The following NAIF1 variants were observed in gnomAD, a reference collection of about 807,000 sequenced individuals.
NAIF1 encodes nuclear apoptosis-inducing factor 1.
NAIF1 carries 14 observed loss-of-function variants against 20.7 expected under a neutral mutation model. The ratio of observed to expected loss-of-function variants is 0.67; its 90% CI spans 0.45 to 1.05. The LOEUF is 1.05. NAIF1 is among the 50% of genes least tolerant of loss of function. NAIF1 has a pLI of 0.00. For synonymous variants in NAIF1, 191 were observed against 191.4 expected, an observed-to-expected ratio of 1.00 and a Z score of 0.02; for missense variants, 362 against 448.8, an observed-to-expected ratio of 0.81 and a Z score of 1.75.
At position 128,063,965 on chromosome 9, in the gene NAIF1, TGGGGTG is replaced by T; in HGVS notation, c.512-71_512-66del. The T allele has an allele frequency of 6.8e-7, 1 of 1,468,002 alleles. No individual in the cohort carries two copies. The highest frequency in any genetic ancestry group is 1.2e-5 in the South Asian group (1 of 81,636). The allele number at this position is 1,468,002 out of a possible 1,614,324, so 90.9% of individuals were successfully genotyped here. ...TCTGGAAGGAATAAAGCTGGCTGTA[TGGGGTG>T]GGGAGGAGGCCATAAAGTCCTGTCC... On this transcript the variant is annotated intron_variant, in intron 1 of 1. Transcript: ENST00000373078. The surrounding 1 kb of genome is among the most constrained non-coding windows in gnomAD (Gnocchi z 4.3).
rs898876129 is a variant in NAIF1 at position 128,062,015 on chromosome 9, C to G, written c.*1413G>C. On this transcript the variant is annotated 3_prime_UTR_variant, in exon 2 of 2. Coordinates refer to ENST00000373078, the MANE Select transcript of NAIF1 (RefSeq NM_197956.4). ...TTTTTTCTTTGTTTTTTTTTTGAGA[C>G]AGAGTCTCGCTCTGTCGCCAGGCTG... 6.6e-6 allele frequency: 1 copy of G among 151,812 alleles called. No homozygotes were observed. The highest frequency in any genetic ancestry group is 2.4e-5 in the African/African-American group (1 of 41,254). The allele number at this position is 151,812 out of a possible 1,614,324, so 9.4% of individuals were successfully genotyped here.
intron 1 of NAIF1, 186 bp downstream of exon 1, chr9:128,066,405 C>A: frequency 1.9e-6 from 1 of 529,540 alleles, no homozygotes; most frequent in East Asian, 3.3e-5. Flanking sequence ...GTCCAGCCCA[C>A]GTGCTGAGGA....
chr9:128,066,592 C>T lies in NAIF1; in HGVS notation c.510G>A (p.Gln170=). The T allele has an allele frequency of 1.3e-6, 2 of 1,505,584 alleles. No individual in the cohort carries two copies. Among genetic ancestry groups the T allele is most frequent in the Non-Finnish European group, 1.8e-6 (2 of 1,127,106 alleles). The allele number at this position is 1,505,584 out of a possible 1,614,324, so 93.3% of individuals were successfully genotyped here. Residue 170 remains glutamine (Q), a splice_region_variant and synonymous_variant, in exon 1 of 2, where the codon CAG becomes CAA. Transcript: ENST00000373078. Reference sequence around the variant, plus strand: ...GCCTGGGCAGGAGAGGTCACTCACTCTGTGTCAGGGTGACCGTGGCTGCGG... The same window carrying T: ...GCCTGGGCAGGAGAGGTCACTCACTTTGTGTCAGGGTGACCGTGGCTGCGG... The part of the protein sequence containing the change: ...TAAAATVTLT[Q]IPTETTYHTL...
intron 1 of NAIF1, among the ~76,000 whole-genome samples, chr9:128,064,286 C>T (rs1267169120): frequency 1.3e-5 from 2 of 151,574 alleles, no homozygotes; most frequent in Non-Finnish European, 2.9e-5. Context: ...GACGGGGTTT[C>T]ACCGTGGTCT....
chr9:128,063,176 C>T lies in NAIF1; in HGVS notation c.*252G>A. On this transcript the variant is annotated 3_prime_UTR_variant, in exon 2 of 2. Coordinates refer to ENST00000373078, the MANE Select transcript of NAIF1 (RefSeq NM_197956.4). This position sits in a 1 kb window ranked among gnomAD's most constrained non-coding sequence, Gnocchi z 4.3. ...GGGGTCATGACAACACATGTCCCATCACATGCACACGTGACCCCCTGCTAA... is the reference window on the plus strand; with the variant it reads ...GGGGTCATGACAACACATGTCCCATTACATGCACACGTGACCCCCTGCTAA... 1 of 534,548 alleles carries T rather than the reference C, an allele frequency of 1.9e-6. No homozygotes were observed. 33.1% of individuals were successfully genotyped at this position (534,548 alleles called of 1,614,324 possible).
At position 128,063,580 on chromosome 9, in the gene NAIF1, T is replaced by C; in HGVS notation, c.832A>G (p.Thr278Ala). The change falls in exon 2 of 2, where the codon ACA becomes GCA. Residue 278 changes from threonine to alanine, a missense_variant. Transcript: ENST00000373078. The surrounding 1 kb of genome is among the most constrained non-coding windows in gnomAD (Gnocchi z 4.3). ...QERQAQAMEG[T>A]QAALSVLIQV... is the part of the protein sequence containing the mutation. ...ATGAGGACGCTCAGGGCAGCCTGTG[T>C]GCCCTCCATGGCCTGGGCCTGGCGC... 3 of 1,612,712 alleles carry C rather than the reference T, an allele frequency of 1.9e-6. No homozygotes were observed. Among genetic ancestry groups the C allele is most frequent in the Non-Finnish European group, 2.5e-6 (3 of 1,180,042 alleles).
At position 128,063,493 on chromosome 9, in the gene NAIF1, G is replaced by C. The variant is rs1319520677; in HGVS notation, c.919C>G (p.Pro307Ala). The C allele has an allele frequency of 1.2e-6, 2 of 1,609,676 alleles. No individual in the cohort carries two copies. The highest frequency in any genetic ancestry group is 2.7e-5 in the African/African-American group (2 of 74,932). The change falls in exon 2 of 2, where the codon CCG (proline) becomes GCG (alanine). Residue 307 changes from proline (P) to alanine (A), a missense_variant. This residue lies in a region of NAIF1 where 300 missense variants were observed against 342.7 expected (regional missense o/e 0.88). Coordinates refer to ENST00000373078, the MANE Select transcript of NAIF1 (RefSeq NM_197956.4). The surrounding 1 kb of genome is among the most constrained non-coding windows in gnomAD (Gnocchi z 4.3). ...TGCCCAGGGTCAGAGGCGGGGGCCG[G>C]GTTAGCTGTGTTGCTCTGCAGGTAG... is the stretch of plus-strand genomic sequence containing the variant. The part of the protein sequence containing the change: ...RRYLQSNTAN[P>A]APASDPGQVA...
chr9:128,065,342 C>T (rs539781437), intron 1 of NAIF1, among the ~76,000 whole-genome samples: 1 of 152,070 alleles, frequency 6.6e-6, no homozygotes, highest in Non-Finnish European at 1.5e-5. Context: ...GTCTCGAACT[C>T]CTGACCTCCA....
chr9:128,064,238 G>A (rs944972883), intron 1 of NAIF1, among the ~76,000 whole-genome samples: 5 of 151,714 alleles, frequency 3.3e-5, no homozygotes, highest in Middle Eastern at 3.4e-3. Flanking sequence ...ACAGGCGCCC[G>A]CCACTGCGCC....
chr9:128,065,796 A>G lies in NAIF1; in HGVS notation c.511+795T>C, dbSNP rs527633333. On this transcript the variant is annotated intron_variant, in intron 1 of 1. Transcript: ENST00000373078. ...TCCAACCAAAGTTAGTTCTGTTGTC[A>G]TTCCTGAGAACCACGGAAAGGATCC... Among the ~76,000 whole-genome samples the G allele has an allele frequency of 3.9e-5, 6 of 152,248 alleles. No homozygotes were observed. In the South Asian group the frequency reaches 1.2e-3, roughly 32 times the overall value.
In NAIF1 at chr9:128,067,003, G is replaced by C; in HGVS notation, c.99C>G (p.Asn33Lys). The C allele has an allele frequency of 6.2e-7, 1 of 1,613,884 alleles. No individual in the cohort carries two copies. Among genetic ancestry groups the C allele is most frequent in the Non-Finnish European group, 8.5e-7 (1 of 1,180,006 alleles). Reference protein sequence around the residue: ...ELELKKHLLVNHFNAGVPLAA... With the variant: ...ELELKKHLLVKHFNAGVPLAA... ...CCAGGGGTACCCCGGCGTTGAAGTG[G>C]TTCACCAGCAGGTGCTTCTTCAGCT... The change falls in exon 1 of 2, where the codon AAC (asparagine) becomes AAG (lysine). Residue 33 changes from asparagine to lysine, a missense_variant. This residue lies in a region of NAIF1 where 51 missense variants were observed against 68.7 expected (regional missense o/e 0.74). Transcript: ENST00000373078.
rs199917715 is a variant in NAIF1, at chr9:128,067,014, G to A, written c.88C>T (p.Leu30=). 90 of 1,613,958 alleles carry A rather than the reference G, an allele frequency of 5.6e-5. No homozygotes were observed. The highest frequency in any genetic ancestry group is 7.4e-5 in the Non-Finnish European group (87 of 1,180,010). Residue 30 remains leucine, a synonymous_variant, in exon 1 of 2, where the codon CTG becomes TTG. Coordinates refer to ENST00000373078, the MANE Select transcript of NAIF1 (RefSeq NM_197956.4). ...CCGGCGTTGAAGTGGTTCACCAGCA[G>A]GTGCTTCTTCAGCTCCAGCTCCTCC... ...IVEELELKKH[L]LVNHFNAGVP...
intron 1 of NAIF1, among the ~76,000 whole-genome samples, chr9:128,065,241 C>T (rs1006520575): frequency 4.6e-5 from 7 of 151,946 alleles, no homozygotes; most frequent in African/African-American, 1.5e-4. Context: ...CTCAGCCTCC[C>T]GAGTAGCTGG....
rs1227342179 is a variant in NAIF1 at position 128,063,207 on chromosome 9, C to T, written c.*221G>A. 1 of 580,252 alleles carries T rather than the reference C, an allele frequency of 1.7e-6. No homozygotes were observed. The highest frequency in any genetic ancestry group is 3.1e-6 in the Non-Finnish European group (1 of 325,510). The allele number at this position is 580,252 out of a possible 1,614,324, so 35.9% of individuals were successfully genotyped here. On this transcript the variant is annotated 3_prime_UTR_variant, in exon 2 of 2. Coordinates refer to ENST00000373078, the MANE Select transcript of NAIF1 (RefSeq NM_197956.4). This position sits in a 1 kb window ranked among gnomAD's most constrained non-coding sequence, Gnocchi z 4.3. ...CACACGTGACCCCCTGCTAACCAAT[C>T]TTCTGGATCTTAGCAAGGCAGCTCA... is the stretch of plus-strand genomic sequence containing the variant.
Position 128,066,982 on chromosome 9 carries a change from G to A in NAIF1, c.120C>T (p.Pro40=), listed in dbSNP as rs756565644. The A allele has an allele frequency of 2.5e-6, 4 of 1,613,588 alleles. No individual in the cohort carries two copies. The highest frequency in any genetic ancestry group is 1.7e-5 in the Admixed American group (1 of 60,032). The change falls in exon 1 of 2, where the codon CCC becomes CCT. Residue 40 remains proline (P), a synonymous_variant. Transcript: ENST00000373078. ...GCCAGGCCGCACTCTTGGCGGCCAG[G>A]GGTACCCCGGCGTTGAAGTGGTTCA... ...LLVNHFNAGV[P]LAAKSAAWHG...
At position 128,066,643 on chromosome 9, in the gene NAIF1, C is replaced by T; in HGVS notation, c.459G>A (p.Val153=). 1.3e-6 allele frequency: 2 copies of T among 1,559,672 alleles called. No homozygotes were observed. The highest frequency in any genetic ancestry group is 2.3e-5 in the East Asian group (1 of 44,290). Residue 153 remains valine (V), a synonymous_variant, in exon 1 of 2, where the codon GTG becomes GTA. Coordinates refer to ENST00000373078, the MANE Select transcript of NAIF1 (RefSeq NM_197956.4). ...CTGCGGTGGCCGAGGGTCCGAGGGC[C>T]ACAGGGTGGATCTCTGTGGTGCTGG... The part of the protein sequence containing the change: ...SLPSTTEIHP[V]ALGPSATAAA...
intron 1 of NAIF1, among the ~76,000 whole-genome samples, 160 bp from the exon 2 acceptor site, chr9:128,064,060 G>A (rs1274107520): frequency 6.7e-6 from 1 of 148,780 alleles, no homozygotes; most frequent in African/African-American, 2.5e-5. Context: ...TATAAATCTA[G>A]AATCTAAGGG....
chr9:128,066,450 T>C (rs1832779961), intron 1 of NAIF1, 141 bp downstream of exon 1: 1 of 832,010 alleles, frequency 1.2e-6, no homozygotes, highest in Admixed American at 3.6e-5. Context: ...TCTGTCTGGG[T>C]GCTGCTCTTG....
chr9:128,066,666 T>C lies in NAIF1; in HGVS notation c.436A>G (p.Ser146Gly), dbSNP rs1237573317. ...LGEATIISLP[S>G]TTEIHPVALG... ...GCCACAGGGTGGATCTCTGTGGTGC[T>C]GGGCAGGCTGATGATGGTGGCCTCG... The change falls in exon 1 of 2, where the codon AGC becomes GGC. Residue 146 changes from serine (S) to glycine (G), a missense_variant. Transcript: ENST00000373078. The C allele has an allele frequency of 1.3e-6, 2 of 1,595,560 alleles. No individual in the cohort carries two copies. Among genetic ancestry groups the C allele is most frequent in the Non-Finnish European group, 1.7e-6 (2 of 1,169,990 alleles).
Sources: gnomAD v4.1 joint callset for allele counts (sites outside exome capture counted in the v4.1 genomes callset) on GRCh38, gnomAD v4.1.1 for gene constraint, gnomAD v4.1.1 regional missense constraint, Gnocchi (gnomAD v3.1) non-coding constraint, MANE v1.5 for transcripts, NCBI Gene and HGNC (gene_info 2026-07-23, HGNC 2026-07-21) for gene names.